Variants in DLGAP2 observed in about 807,000 individuals in gnomAD.
The protein encoded by DLGAP2 is DLG associated protein 2, also known as disks large-associated protein 2.
DLGAP2 carries 26 observed loss-of-function variants against 100.3 expected under a neutral mutation model. That is an observed-to-expected ratio of 0.26 (90% CI 0.19 to 0.36). The LOEUF (loss-of-function observed/expected upper bound fraction) is 0.36. DLGAP2 is among the 10% of genes least tolerant of loss of function. The probability of loss-of-function intolerance (pLI) is 1.00; values close to 1 mark genes in which losing one functional copy is unlikely to be tolerated. For synonymous variants in DLGAP2, 886 were observed against 630.1 expected, an observed-to-expected ratio of 1.41 and a Z score of -6.08; for missense variants, 1,858 against 1,453.2, an observed-to-expected ratio of 1.28 and a Z score of -4.53.
chr8:1,150,489 G>T (rs1335992348), intron 2 of DLGAP2, among the ~76,000 whole-genome samples: 1 of 151,696 alleles, frequency 6.6e-6, no homozygotes, highest in Non-Finnish European at 1.5e-5. Flanking sequence ...TCTTCTATCT[G>T]GGAATGCAGG....
At chr8:1,502,237 G>C (rs772625701) in intron 4 of DLGAP2, among the ~76,000 whole-genome samples, 2 of 152,242 alleles carry the variant, frequency 1.3e-5, no homozygotes, top group Non-Finnish European at 2.9e-5. Flanking sequence ...ACTGACAGCT[G>C]TCTGCAGTGA....
intron 12 of DLGAP2, among the ~76,000 whole-genome samples, chr8:1,687,024 G>C (rs557368215): frequency 2.4e-4 from 36 of 152,192 alleles, no homozygotes; most frequent in African/African-American, 8.7e-4. Flanking sequence ...AAAACACACA[G>C]AAACGTGCTC....
At chr8:1,581,849 CA>C (rs1563235256) in intron 6 of DLGAP2, among the ~76,000 whole-genome samples, 1 of 148,914 alleles carries the variant, frequency 6.7e-6, no homozygotes, top group Non-Finnish European at 1.5e-5. Context: ...AGGATACAGA[CA>C]AACCCCCACA....
At chr8:1,361,637 G>A (rs1311383720) in intron 3 of DLGAP2, among the ~76,000 whole-genome samples, 6 of 152,352 alleles carry the variant, frequency 3.9e-5, no homozygotes, top group East Asian at 1.9e-4. Context: ...CGGAGCATGG[G>A]AGCCCCCCTG....
chr8:1,123,641 G>A (rs1366078767), intron 2 of DLGAP2, among the ~76,000 whole-genome samples: 1 of 151,826 alleles, frequency 6.6e-6, no homozygotes. Context: ...ATTCCTAAGG[G>A]AAAAAAAGAA....
chr8:1,076,738 C>T (rs948314778), intron 2 of DLGAP2, among the ~76,000 whole-genome samples: 1 of 152,192 alleles, frequency 6.6e-6, no homozygotes, highest in South Asian at 2.1e-4. Flanking sequence ...TAACACAGGG[C>T]CTCACACCAG....
chr8:945,659 T>A (rs1228405980), intron 2 of DLGAP2, among the ~76,000 whole-genome samples: 2 of 152,194 alleles, frequency 1.3e-5, no homozygotes, highest in African/African-American at 4.8e-5. Flanking sequence ...ACTTGTGGTT[T>A]ATAAGTTTAA....
intron 3 of DLGAP2, among the ~76,000 whole-genome samples, chr8:1,307,304 C>T (rs192495136): frequency 4.7e-4 from 71 of 152,226 alleles, no homozygotes; most frequent in Admixed American, 1.7e-3. Flanking sequence ...CAAAGCTAAA[C>T]CACAAGGAAA....
chr8:1,235,584 C>G (rs1325095640), intron 2 of DLGAP2, among the ~76,000 whole-genome samples: 5 of 128,178 alleles, frequency 3.9e-5, no homozygotes, highest in African/African-American at 1.5e-4. Flanking sequence ...GGCACCATGT[C>G]TAGTTCTCTC....
intron 2 of DLGAP2, among the ~76,000 whole-genome samples, chr8:1,117,777 A>C (rs570674968): frequency 6.6e-6 from 1 of 152,314 alleles, no homozygotes; most frequent in Non-Finnish European, 1.5e-5. Flanking sequence ...GAGCAGGCAC[A>C]CAGAATCACC....
chr8:885,763 G>C (rs557916976), intron 1 of DLGAP2, among the ~76,000 whole-genome samples: 55 of 152,206 alleles, frequency 3.6e-4, no homozygotes, highest in African/African-American at 1.3e-3. Context: ...TGGGTTTGTC[G>C]TAAATAGCTC....
chr8:1,583,180 T>G (rs1380320654), intron 6 of DLGAP2, among the ~76,000 whole-genome samples: 1 of 152,138 alleles, frequency 6.6e-6, no homozygotes, highest in East Asian at 1.9e-4. Flanking sequence ...ACACTTCCGT[T>G]TTGGGATATG....
chr8:1,153,583 G>A (rs912252955), intron 2 of DLGAP2, among the ~76,000 whole-genome samples: 1 of 152,094 alleles, frequency 6.6e-6, no homozygotes, highest in African/African-American at 2.4e-5. Flanking sequence ...TTTCATTAGA[G>A]TAAAATTATC....
chr8:1,272,059 G>A (rs984734024), intron 3 of DLGAP2, among the ~76,000 whole-genome samples: 15 of 152,090 alleles, frequency 9.9e-5, no homozygotes, highest in Admixed American at 2.0e-4. Context: ...CAGGTGATCC[G>A]CCTGCCTCAG....
At chr8:1,409,306 T>G (rs1403109411) in intron 3 of DLGAP2, among the ~76,000 whole-genome samples, 1 of 147,596 alleles carries the variant, frequency 6.8e-6, no homozygotes, top group Admixed American at 6.7e-5. Flanking sequence ...AACCAACCAG[T>G]TCCTTCCTCA....
chr8:1,355,387 T>G (rs994564000), intron 3 of DLGAP2, among the ~76,000 whole-genome samples: 3 of 152,054 alleles, frequency 2.0e-5, no homozygotes, highest in African/African-American at 7.3e-5. Context: ...TTGTTTGAGA[T>G]GGAGTCTCGC....
chr8:889,821 C>G (rs769641413), intron 1 of DLGAP2, among the ~76,000 whole-genome samples: 3 of 152,208 alleles, frequency 2.0e-5, no homozygotes, highest in Non-Finnish European at 2.9e-5. Flanking sequence ...TAGGCTTAAG[C>G]AGATTCCATC....
chr8:1,514,309 G>A (rs1584973761), intron 4 of DLGAP2, among the ~76,000 whole-genome samples: 1 of 152,202 alleles, frequency 6.6e-6, no homozygotes, highest in South Asian at 2.1e-4. Context: ...CGCATCCTGC[G>A]AAGCGAAGGG....
rs371268270 is a variant in DLGAP2, at chr8:959,343, C to T, written c.73+51377C>T. On this transcript the variant is annotated intron_variant, in intron 2 of 14. Coordinates refer to ENST00000637795, the MANE Select transcript of DLGAP2 (RefSeq NM_001346810.2). The stretch of plus-strand genomic sequence containing the variant: ...GACAGAATAATTGATGTCTGCTCCA[C>T]TGTCACGGATGAGCCAGGCAGGGCT... 2.1e-4 allele frequency among the ~76,000 whole-genome samples: 32 copies of T among 152,312 alleles called. 1 individual carries two copies. In the South Asian group the frequency reaches 6.4e-3, roughly 31 times the overall value.
Sources: gnomAD v4.1 joint callset for allele counts (sites outside exome capture counted in the v4.1 genomes callset) on GRCh38, gnomAD v4.1.1 for gene constraint, MANE v1.5 for transcripts, NCBI Gene and HGNC (gene_info 2026-07-23, HGNC 2026-07-21) for gene names.